The following KCNMB2 variants were observed in gnomAD, a reference collection of about 807,000 sequenced individuals.
KCNMB2 encodes the protein calcium-activated potassium channel subunit beta-2.
Under a neutral mutation model 24.5 loss-of-function variants are expected in KCNMB2, and 9 were observed. The ratio of observed to expected loss-of-function variants is 0.37; its 90% CI spans 0.22 to 0.64. The LOEUF is 0.64. KCNMB2 is among the 30% of genes least tolerant of loss of function. The pLI, the probability that KCNMB2 is intolerant of heterozygous loss-of-function variation, is 0.63. For synonymous variants in KCNMB2, 109 were observed against 104.4 expected (o/e 1.04, Z -0.27); for missense variants, 226 against 284.3 (o/e 0.79, Z 1.47).
chr3:178,786,466 G>A (rs1713103387), intron 1 of KCNMB2, among the ~76,000 whole-genome samples: 1 of 152,132 alleles, frequency 6.6e-6, no homozygotes. Flanking sequence ...AAACGTGGTT[G>A]GATCCTAACA....
intron 2 of KCNMB2, among the ~76,000 whole-genome samples, chr3:178,820,908 G>C (rs1714600108): frequency 6.6e-6 from 1 of 152,142 alleles, no homozygotes; most frequent in Admixed American, 6.5e-5. Context: ...ATTTGTTATT[G>C]TCAACATGTG....
intron 1 of KCNMB2, among the ~76,000 whole-genome samples, chr3:178,592,003 C>A (rs1223116446): frequency 1.3e-5 from 2 of 151,998 alleles, no homozygotes; most frequent in Non-Finnish European, 2.9e-5. Flanking sequence ...AAGATGATTC[C>A]TAGTGTCGGT....
At chr3:178,757,386 ATATATATGTATATATATC>A in intron 1 of KCNMB2, among the ~76,000 whole-genome samples, 1 of 73,572 alleles carries the variant, frequency 1.4e-5, no homozygotes, top group African/African-American at 5.8e-5. Flanking sequence ...AAGAGGATAT[ATATATATGTATATATATC>A]CAAGAGGATA....
chr3:178,711,739 CCTTT>C (rs1722462016), intron 1 of KCNMB2, among the ~76,000 whole-genome samples: 1 of 151,998 alleles, frequency 6.6e-6, no homozygotes, highest in Non-Finnish European at 1.5e-5. Flanking sequence ...AATAAAACTT[CCTTT>C]AATATTCTCC....
intron 1 of KCNMB2, among the ~76,000 whole-genome samples, chr3:178,706,151 C>A: frequency 6.6e-6 from 1 of 152,068 alleles, no homozygotes; most frequent in Non-Finnish European, 1.5e-5. Flanking sequence ...GTGTCAGCAA[C>A]CAGAGACAGA....
At position 178,757,900 on chromosome 3, in the gene KCNMB2, A is replaced by G. The variant is rs1724207805; in HGVS notation, c.-67-49443A>G. Among the ~76,000 whole-genome samples, 7 of 134,786 alleles carry G rather than the reference A, an allele frequency of 5.2e-5. No individual in the cohort carries two copies. In the South Asian group the frequency reaches 1.7e-3, roughly 32 times the overall value. The allele number at this position is 134,786 out of a possible 152,430, so 88.4% of individuals were successfully genotyped here. A position where few individuals can be genotyped will look rare whatever the true frequency, so the allele number is the denominator to read the frequency against. On this transcript the variant is annotated intron_variant, in intron 1 of 4. Coordinates refer to ENST00000452583, the MANE Select transcript of KCNMB2 (RefSeq NM_181361.3). ...AAGAGGATACATATATATATCCAAGAGGATACATATATATATCCAAGAGGA... is the reference window on the plus strand; with the variant it reads ...AAGAGGATACATATATATATCCAAGGGGATACATATATATATCCAAGAGGA...
intron 1 of KCNMB2, among the ~76,000 whole-genome samples, chr3:178,707,630 G>C (rs1722320856): frequency 6.6e-6 from 1 of 152,116 alleles, no homozygotes; most frequent in African/African-American, 2.4e-5. Flanking sequence ...CCAATTCTCA[G>C]AATCTCTGGG....
At chr3:178,599,074 G>A (rs1385239760) in intron 1 of KCNMB2, among the ~76,000 whole-genome samples, 1 of 152,136 alleles carries the variant, frequency 6.6e-6, no homozygotes, top group African/African-American at 2.4e-5. Context: ...ACAAAGACAA[G>A]TCCAGCAGAT....
Position 178,758,027 on chromosome 3 carries a change from GATAT to G in KCNMB2, c.-67-49305_-67-49302del, listed in dbSNP as rs1240194178. Among the ~76,000 whole-genome samples, 15 of 6,938 alleles carry G rather than the reference GATAT, an allele frequency of 2.2e-3. 1 individual carries two copies. The highest frequency in any genetic ancestry group is 7.1e-3 in the African/African-American group (14 of 1,982). 4.6% of individuals were successfully genotyped at this position (6,938 alleles called of 152,430 possible). A position where few individuals can be genotyped will look rare whatever the true frequency, so the allele number is the denominator to read the frequency against. ...GATATATATATATATATATCTAGAGGATATATATATATATCTAGATATATATATA... is the reference window on the plus strand; with the variant it reads ...GATATATATATATATATATCTAGAGGATATATATATCTAGATATATATATA... On this transcript the variant is annotated intron_variant, in intron 1 of 4. Transcript: ENST00000452583.
At chr3:178,828,455 G>A in intron 4 of KCNMB2, 82 bp downstream of exon 4, 2 of 1,014,990 alleles carry the variant, frequency 2.0e-6, no homozygotes, top group East Asian at 2.6e-5. Context: ...CCCTTTGCCA[G>A]CATTTCAAAG....
rs970869789 is a variant in KCNMB2 at position 178,575,489 on chromosome 3, TAA to T, written c.-68+38780_-68+38781del. Among the ~76,000 whole-genome samples, 65 of 152,192 alleles carry T rather than the reference TAA, an allele frequency of 4.3e-4. 1 individual carries two copies. The highest frequency in any genetic ancestry group is 1.5e-3 in the African/African-American group (63 of 41,530). On this transcript the variant is annotated intron_variant, in intron 1 of 4. Coordinates refer to ENST00000452583, the MANE Select transcript of KCNMB2 (RefSeq NM_181361.3). ...ATGTAGAAGCACAAATCAAAGAAAA[TAA>T]AGATACCATCTAGTGATAGTCAGAA... is the stretch of plus-strand genomic sequence containing the variant.
intron 1 of KCNMB2, among the ~76,000 whole-genome samples, chr3:178,697,071 T>C (rs941200465): frequency 6.6e-6 from 1 of 152,212 alleles, no homozygotes; most frequent in Non-Finnish European, 1.5e-5. Context: ...AAGAAGAATG[T>C]ATATTCTGTT....
rs540950707 is a variant in KCNMB2 at position 178,787,079 on chromosome 3, G to C, written c.-67-20264G>C. Among the ~76,000 whole-genome samples, 3 of 152,206 alleles carry C rather than the reference G, an allele frequency of 2.0e-5. No homozygotes were observed. In the South Asian group the frequency reaches 6.2e-4, roughly 32 times the overall value. On this transcript the variant is annotated intron_variant, in intron 1 of 4. Coordinates refer to ENST00000452583, the MANE Select transcript of KCNMB2 (RefSeq NM_181361.3). ...CAGTTACAGATGAGTTAATAGCATA[G>C]CTAGTGCTCTTTCCATGGCTCACTC...
chr3:178,590,852 T>C (rs1717643401), intron 1 of KCNMB2, among the ~76,000 whole-genome samples: 1 of 152,188 alleles, frequency 6.6e-6, no homozygotes, highest in Non-Finnish European at 1.5e-5. Flanking sequence ...AAGGTAGAGT[T>C]AGGATCCCAC....
chr3:178,589,467 T>G (rs1717583282), intron 1 of KCNMB2, among the ~76,000 whole-genome samples: 1 of 152,002 alleles, frequency 6.6e-6, no homozygotes, highest in Admixed American at 6.6e-5. Context: ...GGGGAGGTTG[T>G]GTTTTTTTTG....
At chr3:178,809,154 A>T (rs530763635) in intron 2 of KCNMB2, among the ~76,000 whole-genome samples, 92 of 152,356 alleles carry the variant, frequency 6.0e-4, no homozygotes, top group Non-Finnish European at 1.1e-3. Flanking sequence ...TATATTTGAA[A>T]GTGCAGAAAG....
At chr3:178,773,554 A>C (rs1463035694) in intron 1 of KCNMB2, among the ~76,000 whole-genome samples, 3 of 152,128 alleles carry the variant, frequency 2.0e-5, no homozygotes, top group Non-Finnish European at 4.4e-5. Context: ...TGTAATGAGG[A>C]GAATGTGCAT....
intron 1 of KCNMB2, among the ~76,000 whole-genome samples, chr3:178,581,313 T>C (rs1028687184): frequency 6.6e-6 from 1 of 152,164 alleles, no homozygotes; most frequent in Non-Finnish European, 1.5e-5. Context: ...TGGCTAGCCA[T>C]ATGCAGAAAA....
chr3:178,636,709 A>G (rs140727150), intron 1 of KCNMB2, among the ~76,000 whole-genome samples: 3 of 152,288 alleles, frequency 2.0e-5, no homozygotes, highest in African/African-American at 7.2e-5. Context: ...GTCCTTCTCT[A>G]TCATTGGAGT....
Sources: gnomAD v4.1 joint callset for allele counts (sites outside exome capture counted in the v4.1 genomes callset) on GRCh38, gnomAD v4.1.1 for gene constraint, MANE v1.5 for transcripts, NCBI Gene and HGNC (gene_info 2026-07-23, HGNC 2026-07-21) for gene names.